Variants in TRMT9B observed in about 807,000 individuals in gnomAD.
TRMT9B encodes the protein probable tRNA methyltransferase 9B.
A neutral mutation model predicts 11.5 loss-of-function variants in TRMT9B; 16 were observed. That is an observed-to-expected ratio of 1.39 (90% confidence interval 0.94 to 2.11). The LOEUF (loss-of-function observed/expected upper bound fraction) is 2.11, where lower values mean the gene tolerates loss of function less well. TRMT9B is among the 30% of genes most tolerant of loss of function. The probability of loss-of-function intolerance (pLI) is 0.00; values close to 1 mark genes in which losing one functional copy is unlikely to be tolerated. For missense variants in TRMT9B, 941 were observed against 553.8 expected, an observed-to-expected ratio of 1.70 and a Z score of -7.02; for synonymous variants, 274 against 192.4, an observed-to-expected ratio of 1.42 and a Z score of -3.51.
chr8:13,004,195 G>A (rs1809989982), intron 2 of TRMT9B, among the ~76,000 whole-genome samples: 1 of 151,906 alleles, frequency 6.6e-6, no homozygotes, highest in South Asian at 2.1e-4. Flanking sequence ...AGGCTAAAGG[G>A]CTCTGGGGTA....
At chr8:12,971,073 C>T (rs916319136) in intron 1 of TRMT9B, among the ~76,000 whole-genome samples, 1 of 152,124 alleles carries the variant, frequency 6.6e-6, no homozygotes, top group Admixed American at 6.5e-5. Flanking sequence ...GATGATTAAT[C>T]TGAGTAATTT....
At chr8:12,998,554 T>A (rs1808783324) in intron 2 of TRMT9B, among the ~76,000 whole-genome samples, 1 of 152,202 alleles carries the variant, frequency 6.6e-6, no homozygotes, top group African/African-American at 2.4e-5. Flanking sequence ...GGCTAAGTGC[T>A]TACAGCCTAT....
chr8:13,029,316 G>C lies in TRMT9B; in HGVS notation c.*7272G>C, dbSNP rs1028505406. The C allele has an allele frequency of 6.0e-6, 1 of 166,958 alleles. No individual in the cohort carries two copies. The highest frequency in any genetic ancestry group is 2.4e-5 in the African/African-American group (1 of 41,428). 10.3% of individuals were successfully genotyped at this position (166,958 alleles called of 1,614,324 possible). ...TTTTTCTACAATGTACAGTTATTTT[G>C]ACTTTTCCCAGGGGAAGCTAGCAAT... On this transcript the variant is annotated 3_prime_UTR_variant, in exon 5 of 5. Transcript: ENST00000524591.
At chr8:12,957,159 C>T (rs1801425080) in intron 1 of TRMT9B, among the ~76,000 whole-genome samples, 1 of 152,236 alleles carries the variant, frequency 6.6e-6, no homozygotes, top group Non-Finnish European at 1.5e-5. Flanking sequence ...GAAACATGAA[C>T]ATGTTTCTGC....
At chr8:12,976,461 C>T (rs1554516311) in intron 1 of TRMT9B, among the ~76,000 whole-genome samples, 2 of 151,594 alleles carry the variant, frequency 1.3e-5, no homozygotes, top group Non-Finnish European at 2.9e-5. Context: ...GCATATGGGC[C>T]GGGTGCAGTG....
chr8:12,981,081 G>C (rs945232993), intron 1 of TRMT9B, among the ~76,000 whole-genome samples: 1 of 147,556 alleles, frequency 6.8e-6, no homozygotes, highest in Non-Finnish European at 1.5e-5. Flanking sequence ...TTTTTTGTTT[G>C]TTTGTTTCTT....
At chr8:13,010,136 T>TCA (rs1563421150) in intron 3 of TRMT9B, 216 of 415,002 alleles carry the variant, frequency 5.2e-4, no homozygotes, top group Non-Finnish European at 6.0e-4. Flanking sequence ...AGACCCTATC[T>TCA]GAAAAAAAAA....
At position 12,978,979 on chromosome 8, in the gene TRMT9B, G is replaced by A. The variant is rs1804913987; in HGVS notation, c.-199-11855G>A. 2.6e-5 allele frequency among the ~76,000 whole-genome samples: 4 copies of A among 152,328 alleles called. No individual in the cohort carries two copies. In the South Asian group the frequency reaches 8.3e-4, roughly 32 times the overall value. ...CAATGGGCTGTAAATCTTCTGGTGT[G>A]TAAACCTTCTGGGTTTGACTTTGTA... On this transcript the variant is annotated intron_variant, in intron 1 of 4. Coordinates refer to ENST00000524591, the MANE Select transcript of TRMT9B (RefSeq NM_020844.3).
At chr8:12,984,243 T>C (rs186283989) in intron 1 of TRMT9B, among the ~76,000 whole-genome samples, 2 of 152,348 alleles carry the variant, frequency 1.3e-5, no homozygotes, top group East Asian at 3.9e-4. Context: ...AATGTCATTC[T>C]GTCTATGCAA....
intron 3 of TRMT9B, among the ~76,000 whole-genome samples, chr8:13,008,298 T>G (rs1434763690): frequency 2.0e-5 from 3 of 152,224 alleles, no homozygotes; most frequent in African/African-American, 7.2e-5. Flanking sequence ...AGACGGCATT[T>G]CAGCCCCAGG....
intron 4 of TRMT9B, among the ~76,000 whole-genome samples, chr8:13,013,485 A>G (rs1179268152): frequency 6.6e-6 from 1 of 152,224 alleles, no homozygotes; most frequent in Non-Finnish European, 1.5e-5. Context: ...TGGGGGGAAA[A>G]AATCCATGCC....
chr8:12,967,537 C>G (rs981956618), intron 1 of TRMT9B, among the ~76,000 whole-genome samples: 56 of 152,216 alleles, frequency 3.7e-4, no homozygotes, highest in African/African-American at 1.4e-3. Context: ...ATTTGACCAA[C>G]TCAGACCCTC....
chr8:12,983,116 C>A (rs1184464053), intron 1 of TRMT9B, among the ~76,000 whole-genome samples: 1 of 152,136 alleles, frequency 6.6e-6, no homozygotes, highest in African/African-American at 2.4e-5. Context: ...AAAAGACCTG[C>A]AGATACCCCT....
intron 1 of TRMT9B, among the ~76,000 whole-genome samples, chr8:12,989,284 C>T (rs1238453189): frequency 6.6e-6 from 1 of 152,136 alleles, no homozygotes; most frequent in African/African-American, 2.4e-5. Context: ...AATAAAAAGT[C>T]TCAATTGGAA....
At position 13,021,828 on chromosome 8, in the gene TRMT9B, T is replaced by C. The variant is rs1418733535; in HGVS notation, c.1149T>C (p.Asp383=). Reference sequence around the variant, plus strand: ...TATTGAGAAGGATTTCTGCAGTTGATTCCACAGATTTCAACCCAGATGATA... The same window carrying C: ...TATTGAGAAGGATTTCTGCAGTTGACTCCACAGATTTCAACCCAGATGATA... ...SKILRRISAV[D]STDFNPDDTM... The change falls in exon 5 of 5, where the codon GAT becomes GAC. Residue 383 remains aspartate (D), a synonymous_variant. Transcript: ENST00000524591. The C allele has an allele frequency of 5.6e-6, 9 of 1,613,622 alleles. No homozygotes were observed. Among genetic ancestry groups the C allele is most frequent in the Admixed American group, 3.3e-5 (2 of 59,974 alleles).
chr8:12,964,360 G>C (rs894678651), intron 1 of TRMT9B, among the ~76,000 whole-genome samples: 3 of 152,170 alleles, frequency 2.0e-5, no homozygotes, highest in Non-Finnish European at 4.4e-5. Flanking sequence ...TGAAATGTGT[G>C]ATAGCCACTC....
intron 1 of TRMT9B, among the ~76,000 whole-genome samples, chr8:12,981,355 G>C (rs1371772866): frequency 6.6e-6 from 1 of 152,156 alleles, no homozygotes; most frequent in Non-Finnish European, 1.5e-5. Flanking sequence ...TTGGGGGTGG[G>C]ACATCATGAG....
At chr8:12,979,842 A>G (rs2128872527) in intron 1 of TRMT9B, among the ~76,000 whole-genome samples, 1 of 152,322 alleles carries the variant, frequency 6.6e-6, no homozygotes, top group Admixed American at 6.5e-5. Context: ...AAGCAGAGAA[A>G]ACATTTTCTG....
chr8:13,012,163 T>C, intron 3 of TRMT9B: 2 of 985,584 alleles, frequency 2.0e-6, no homozygotes. Flanking sequence ...AAATGTTATT[T>C]TTTTCCTATT....
Sources: allele counts gnomAD v4.1 joint callset (sites outside exome capture counted in the v4.1 genomes callset), GRCh38; gene constraint gnomAD v4.1.1; transcripts MANE v1.5; gene names NCBI Gene and HGNC (gene_info 2026-07-23, HGNC 2026-07-21).